CSMD1: variants seen among roughly 807,000 people sequenced by gnomAD.
CSMD1 encodes CUB and sushi domain-containing protein 1.
Under a neutral mutation model 417.5 loss-of-function variants are expected in CSMD1, and 213 were observed. The ratio of observed to expected loss-of-function variants is 0.51; its 90% CI spans 0.46 to 0.57. CSMD1 has a LOEUF of 0.57. Among genes scored for constraint, CSMD1 ranks in the 20% least tolerant of loss-of-function variants. The probability of loss-of-function intolerance (pLI) is 0.00; values close to 1 mark genes in which losing one functional copy is unlikely to be tolerated. For synonymous variants in CSMD1, 2,862 were observed against 1,736.8 expected (o/e 1.65, Z -16.11); for missense variants, 6,923 against 4,529.7 (o/e 1.53, Z -15.17).
intron 7 of CSMD1, among the ~76,000 whole-genome samples, chr8:3,678,159 C>A (rs541037367): frequency 6.6e-6 from 1 of 152,166 alleles, no homozygotes; most frequent in Non-Finnish European, 1.5e-5. Context: ...TGCAGCTCCT[C>A]ACCAGCAACA....
chr8:3,097,089 G>T (rs1815360736), intron 46 of CSMD1, 52 bp from the exon 47 acceptor site: 1 of 1,353,918 alleles, frequency 7.4e-7, no homozygotes, highest in Non-Finnish European at 1.0e-6. Flanking sequence ...GATTCCAACT[G>T]CAATAGGATA....
chr8:3,472,214 G>A (rs73497489), intron 11 of CSMD1, among the ~76,000 whole-genome samples: 3,793 of 151,960 alleles, frequency 0.025, 182 homozygotes, highest in African/African-American at 0.086. Flanking sequence ...ATAACATCAA[G>A]GTGCAAGGTA....
chr8:4,370,448 G>T (rs1473246012), intron 3 of CSMD1, among the ~76,000 whole-genome samples: 3 of 152,064 alleles, frequency 2.0e-5, no homozygotes, highest in African/African-American at 4.8e-5. Flanking sequence ...ATATCTCATG[G>T]AGATTCTCTG....
At chr8:3,555,821 T>A (rs565425728) in intron 10 of CSMD1, among the ~76,000 whole-genome samples, 1 of 152,246 alleles carries the variant, frequency 6.6e-6, no homozygotes, top group Admixed American at 6.5e-5. Flanking sequence ...ATAGACAAAA[T>A]CTTCGGTGCC....
intron 5 of CSMD1, among the ~76,000 whole-genome samples, chr8:3,761,546 C>T (rs1410619742): frequency 7.2e-6 from 1 of 138,118 alleles, no homozygotes; most frequent in African/African-American, 2.7e-5. Context: ...CACCCTTTCA[C>T]CCAGGCTGGA....
At chr8:3,613,873 T>G (rs1802012300) in intron 8 of CSMD1, among the ~76,000 whole-genome samples, 1 of 152,064 alleles carries the variant, frequency 6.6e-6, no homozygotes, top group Non-Finnish European at 1.5e-5. Context: ...GGCAGAGATG[T>G]CTCACCATTT....
Position 3,853,887 on chromosome 8 carries a change from TATTATACTTTAATATATTAATAC to T in CSMD1, c.819-99868_819-99846del, listed in dbSNP as rs1319927489. The stretch of plus-strand genomic sequence containing the variant: ...TATATTATACTTTAATATATTAATA[TATTATACTTTAATATATTAATAC>T]ATTAAAGTATAATATATTAATATAT... On this transcript the variant is annotated intron_variant, in intron 5 of 69. Transcript: ENST00000635120. 3.7e-3 allele frequency among the ~76,000 whole-genome samples: 540 copies of T among 145,914 alleles called. 3 individuals carry two copies. The highest frequency in any genetic ancestry group is 7.3e-3 in the Admixed American group (105 of 14,426).
At chr8:3,458,332 A>C (rs1816287205) in intron 12 of CSMD1, among the ~76,000 whole-genome samples, 1 of 152,218 alleles carries the variant, frequency 6.6e-6, no homozygotes, top group Non-Finnish European at 1.5e-5. Context: ...ATAATGGCTT[A>C]TCTCACATTA....
chr8:3,863,467 T>C (rs1439145488), intron 5 of CSMD1, among the ~76,000 whole-genome samples: 1 of 151,114 alleles, frequency 6.6e-6, no homozygotes, highest in East Asian at 1.9e-4. Context: ...CTCTTCCCAA[T>C]GACCCCATCT....
intron 3 of CSMD1, among the ~76,000 whole-genome samples, chr8:4,153,453 G>C (rs1310061762): frequency 6.6e-6 from 1 of 152,196 alleles, no homozygotes; most frequent in African/African-American, 2.4e-5. Context: ...AGATGAGCCA[G>C]TGGATAAGGT....
rs564428191 is a variant in CSMD1, at chr8:3,084,664, C to T, written c.7474+2433G>A. Among the ~76,000 whole-genome samples the T allele has an allele frequency of 5.8e-3, 884 of 152,062 alleles. 12 individuals are homozygous for T. The highest frequency in any genetic ancestry group is 0.02 in the African/African-American group (814 of 41,492). On this transcript the variant is annotated intron_variant, in intron 49 of 69. Coordinates refer to ENST00000635120, the MANE Select transcript of CSMD1 (RefSeq NM_033225.6). Reference sequence around the variant, plus strand: ...TTTTATATTTAATATAGCTAAATCACCTTTAACAATTCTTTAAGCATAAGC... The same window carrying T: ...TTTTATATTTAATATAGCTAAATCATCTTTAACAATTCTTTAAGCATAAGC...
At chr8:4,329,498 G>A (rs567421272) in intron 3 of CSMD1, among the ~76,000 whole-genome samples, 42 of 152,208 alleles carry the variant, frequency 2.8e-4, no homozygotes, top group Non-Finnish European at 5.1e-4. Context: ...ACGTTGGCCA[G>A]GCCAGTCTCA....
In CSMD1 at chr8:3,889,414, C is replaced by G. The variant is rs1263000352; in HGVS notation, c.818+108489G>C. ...TTTACTAACATTAAATAATGCCTTC[C>G]ACATTGTAGTCATTAGTTGATATGC... On this transcript the variant is annotated intron_variant, in intron 5 of 69. Transcript: ENST00000635120. Among the ~76,000 whole-genome samples the G allele has an allele frequency of 1.5e-5, 2 of 136,306 alleles. 1 individual carries two copies. Among genetic ancestry groups the G allele is most frequent in the Non-Finnish European group, 3.1e-5 (2 of 64,612 alleles). 89.4% of individuals were successfully genotyped at this position (136,306 alleles called of 152,430 possible). A position where few individuals can be genotyped will look rare whatever the true frequency, so the allele number is the denominator to read the frequency against.
At chr8:4,491,341 C>G (rs190910949) in intron 2 of CSMD1, among the ~76,000 whole-genome samples, 4 of 152,212 alleles carry the variant, frequency 2.6e-5, no homozygotes, top group East Asian at 1.9e-4. Context: ...CAAGTCTGGG[C>G]GCACGTGTCC....
intron 1 of CSMD1, among the ~76,000 whole-genome samples, chr8:4,890,948 G>A (rs1455114621): frequency 6.6e-6 from 1 of 152,118 alleles, no homozygotes; most frequent in Non-Finnish European, 1.5e-5. Context: ...GAGAATCCAA[G>A]GGAAAGTATT....
At chr8:3,250,403 G>A (rs1384054311) in intron 26 of CSMD1, among the ~76,000 whole-genome samples, 1 of 152,118 alleles carries the variant, frequency 6.6e-6, no homozygotes, top group Non-Finnish European at 1.5e-5. Flanking sequence ...ATTTTTTATG[G>A]CTGGATAGTA....
intron 42 of CSMD1, among the ~76,000 whole-genome samples, chr8:3,115,147 TAA>T (rs560160705): frequency 1.3e-3 from 192 of 150,618 alleles, no homozygotes; most frequent in African/African-American, 4.3e-3. Context: ...TTACATTTAA[TAA>T]GTTAATAAAC....
Position 3,496,757 on chromosome 8 carries a change from T to C in CSMD1, c.1345-3031A>G, listed in dbSNP as rs575146117. Among the ~76,000 whole-genome samples the C allele has an allele frequency of 2.7e-3, 411 of 151,828 alleles. 3 individuals carry two copies. Among genetic ancestry groups the C allele is most frequent in the African/African-American group, 9.5e-3 (395 of 41,396 alleles). ...AGGAGAATCACTTGAACCTGGGAGGTGGAGGTTGCAGTGACCTGAGATCAC... is the reference window on the plus strand; with the variant it reads ...AGGAGAATCACTTGAACCTGGGAGGCGGAGGTTGCAGTGACCTGAGATCAC... On this transcript the variant is annotated intron_variant, in intron 10 of 69. Coordinates refer to ENST00000635120, the MANE Select transcript of CSMD1 (RefSeq NM_033225.6).
At chr8:4,418,630 T>C (rs900211291) in intron 3 of CSMD1, among the ~76,000 whole-genome samples, 11 of 152,108 alleles carry the variant, frequency 7.2e-5, no homozygotes, top group African/African-American at 2.4e-4. Flanking sequence ...ATGGATTGCT[T>C]TAGAGATGCT....
Sources: allele counts gnomAD v4.1 joint callset (sites outside exome capture counted in the v4.1 genomes callset), GRCh38; gene constraint gnomAD v4.1.1; transcripts MANE v1.5; gene names NCBI Gene and HGNC (gene_info 2026-07-23, HGNC 2026-07-21).